CHLSN: variants seen among roughly 807,000 people sequenced by gnomAD.
The protein encoded by CHLSN is cholesin, also known as protein cholesin.
the CHLSN span, among the ~76,000 whole-genome samples, chr7:979,520 G>A: frequency 2.6e-5 from 4 of 152,092 alleles, no homozygotes; most frequent in Admixed American, 6.5e-5. Context: ...GGGTGGCCAC[G>A]GTGGGCGGAT....
At chr7:1,108,457 A>T in the CHLSN span, among the ~76,000 whole-genome samples, 1 of 152,102 alleles carries the variant, frequency 6.6e-6, no homozygotes, top group Admixed American at 6.5e-5. Flanking sequence ...CTTTGCACCT[A>T]TCTGCTGCGG....
At chr7:1,125,174 T>A in the CHLSN span, among the ~76,000 whole-genome samples, 1 of 152,158 alleles carries the variant, frequency 6.6e-6, no homozygotes, top group East Asian at 1.9e-4. Flanking sequence ...CAGAGTGAGC[T>A]GGGCCACACC....
chr7:1,010,709 C>T, the CHLSN span, among the ~76,000 whole-genome samples: 3 of 152,188 alleles, frequency 2.0e-5, no homozygotes, highest in Non-Finnish European at 2.9e-5. Flanking sequence ...TCCCCAGCCA[C>T]ATCTTGCCAG....
chr7:1,000,240 G>A, the CHLSN span, among the ~76,000 whole-genome samples: 18 of 152,170 alleles, frequency 1.2e-4, no homozygotes, highest in African/African-American at 3.1e-4. Context: ...CACAGGAGAC[G>A]TGCCTGCCCC....
the CHLSN span, among the ~76,000 whole-genome samples, chr7:1,046,716 G>A: frequency 1.6e-5 from 2 of 121,864 alleles, no homozygotes; most frequent in Non-Finnish European, 4.1e-5. Context: ...ACAAGGTGGA[G>A]GTGGGGCAGG....
the CHLSN span, among the ~76,000 whole-genome samples, chr7:1,000,893 G>A: frequency 2.0e-5 from 3 of 152,236 alleles, no homozygotes; most frequent in Non-Finnish European, 2.9e-5. Context: ...TTCTCTGGGA[G>A]GAAAGGGAGC....
chr7:1,135,790 T>TACAC, the CHLSN span, among the ~76,000 whole-genome samples: 141 of 90,798 alleles, frequency 1.6e-3, no homozygotes, highest in African/African-American at 2.8e-3. Flanking sequence ...TATATATATA[T>TACAC]ATACACAATT....
chr7:985,358 G>A, the CHLSN span: 1 of 1,538,710 alleles, frequency 6.5e-7, no homozygotes, highest in Non-Finnish European at 8.8e-7. Flanking sequence ...GGGTGGGGTG[G>A]AGCCTGGAGT....
the CHLSN span, among the ~76,000 whole-genome samples, chr7:1,039,139 A>G: frequency 2.5e-3 from 74 of 30,058 alleles, no homozygotes; most frequent in East Asian, 6.8e-3. Flanking sequence ...CCTACTGGGA[A>G]GTGAGGAGCC....
chr7:1,091,039 T>C, the CHLSN span, among the ~76,000 whole-genome samples: 2 of 152,118 alleles, frequency 1.3e-5, no homozygotes, highest in African/African-American at 4.8e-5. Context: ...TGAAATGCAT[T>C]TTCCCCTCTC....
chr7:1,023,721 C>T, the CHLSN span, among the ~76,000 whole-genome samples: 2 of 151,792 alleles, frequency 1.3e-5, no homozygotes, highest in African/African-American at 4.8e-5. This position sits in a 1 kb window ranked among gnomAD's most constrained non-coding sequence, Gnocchi z 5.0. Context: ...CCCAACTCCT[C>T]GTTCTACAGA....
At chr7:1,016,074 C>G in the CHLSN span, among the ~76,000 whole-genome samples, 2 of 130,244 alleles carry the variant, frequency 1.5e-5, no homozygotes, top group South Asian at 2.3e-4. Context: ...CGCCAGCGCA[C>G]AGCAGCACAC....
chr7:1,045,493 G>A, the CHLSN span: 1 of 152,220 alleles, frequency 6.6e-6, no homozygotes, highest in Non-Finnish European at 1.5e-5. Context: ...GGGCCAAGAG[G>A]CTTGCTTTAA....
the CHLSN span, among the ~76,000 whole-genome samples, chr7:1,070,573 AACACGCAC>A: frequency 3.0e-5 from 4 of 134,712 alleles, no homozygotes; most frequent in African/African-American, 8.3e-5. Context: ...CACACACGCA[AACACGCAC>A]ACACGGACAC....
chr7:1,102,089 C>T, the CHLSN span, among the ~76,000 whole-genome samples: 2 of 152,228 alleles, frequency 1.3e-5, no homozygotes, highest in African/African-American at 2.4e-5. Context: ...CTTTGGGGCA[C>T]GTGCACCACC....
the CHLSN span, among the ~76,000 whole-genome samples, chr7:1,135,189 C>T: frequency 7.2e-5 from 11 of 152,122 alleles, no homozygotes; most frequent in Non-Finnish European, 1.2e-4. Context: ...AGTGCTCAGC[C>T]TCCTCACTCC....
At chr7:1,079,560 G>A in the CHLSN span, among the ~76,000 whole-genome samples, 4 of 152,194 alleles carry the variant, frequency 2.6e-5, no homozygotes, top group Non-Finnish European at 4.4e-5. Context: ...GGAAGAGGCC[G>A]GGAAAACATT....
At chr7:980,853 A>G in the CHLSN span, among the ~76,000 whole-genome samples, 5 of 151,966 alleles carry the variant, frequency 3.3e-5, no homozygotes, top group African/African-American at 1.2e-4. Context: ...ACGCCCGGCT[A>G]ATTTTTTGTA....
At chr7:1,071,299 C>A in the CHLSN span, among the ~76,000 whole-genome samples, 1 of 152,220 alleles carries the variant, frequency 6.6e-6, no homozygotes, top group Admixed American at 6.5e-5. Flanking sequence ...CTTAAAAATT[C>A]TTTTTGAAAG....
Sources: gnomAD v4.1 joint callset for allele counts (sites outside exome capture counted in the v4.1 genomes callset) on GRCh38, gnomAD v4.1.1 for gene constraint, Gnocchi (gnomAD v3.1) non-coding constraint, MANE v1.5 for transcripts, NCBI Gene and HGNC (gene_info 2026-07-23, HGNC 2026-07-21) for gene names.